Variants in MBNL1 observed in about 807,000 individuals in gnomAD.
The protein encoded by MBNL1 is muscleblind like splicing regulator 1.
Under a neutral mutation model 42.2 loss-of-function variants are expected in MBNL1, and 8 were observed. That is an observed-to-expected ratio of 0.19 (90% CI 0.11 to 0.34). The LOEUF (loss-of-function observed/expected upper bound fraction) is 0.34. Among genes scored for constraint, MBNL1 ranks in the 10% least tolerant of loss-of-function variants. The pLI is 1.00. For synonymous variants in MBNL1, 169 were observed against 173.9 expected (o/e 0.97, Z 0.22); for missense variants, 309 against 495.3 (o/e 0.62, Z 3.57).
exon 2 of MBNL1, chr3:152,244,425 ATAAC>A (rs2032393995): frequency 1.0e-5 from 1 of 98,764 alleles, no homozygotes; most frequent in African/African-American, 3.1e-5. Flanking sequence ...ACAAGCAACT[ATAAC>A]TAAGCATAGA....
chr3:152,336,311 G>T (rs960503987), intron 2 of MBNL1, among the ~76,000 whole-genome samples: 6 of 151,998 alleles, frequency 3.9e-5, no homozygotes, highest in African/African-American at 1.4e-4. Context: ...TCACCAATGG[G>T]ATTAAGAGCA....
At chr3:152,459,906 T>C (rs1392843333) in intron 9 of MBNL1, among the ~76,000 whole-genome samples, 1 of 151,044 alleles carries the variant, frequency 6.6e-6, no homozygotes, top group Admixed American at 6.6e-5. Context: ...AAACCTTAAA[T>C]GGGACCATGT....
chr3:152,325,626 A>G (rs1442698387), intron 2 of MBNL1, among the ~76,000 whole-genome samples: 1 of 151,966 alleles, frequency 6.6e-6, no homozygotes, highest in South Asian at 2.1e-4. Flanking sequence ...TTTTCATGCT[A>G]CAGATATGGA....
intron 2 of MBNL1, among the ~76,000 whole-genome samples, chr3:152,364,317 G>A (rs1355026335): frequency 6.6e-6 from 1 of 151,998 alleles, no homozygotes. Context: ...ATAACTTTGT[G>A]TTTTTGTTAT....
chr3:152,418,714 C>CT (rs35606256), intron 3 of MBNL1, among the ~76,000 whole-genome samples: 12,888 of 118,648 alleles, frequency 0.11, 1,623 homozygotes, highest in East Asian at 0.28. Context: ...TCTTAACAAT[C>CT]TTTTTTTTTT....
At chr3:152,449,664 A>G (rs1580721390) in intron 6 of MBNL1, among the ~76,000 whole-genome samples, 2 of 152,384 alleles carry the variant, frequency 1.3e-5, no homozygotes, top group East Asian at 3.9e-4. Flanking sequence ...TTCATAAATC[A>G]GAATCAAACT....
At chr3:152,269,482 G>A (rs1313121684) in intron 1 of MBNL1, 7 of 454,200 alleles carry the variant, frequency 1.5e-5, no homozygotes, top group Non-Finnish European at 3.1e-5. Flanking sequence ...CGAGCGGCGC[G>A]CGGGTCTTCC....
In MBNL1 at chr3:152,299,904, T is replaced by C; in HGVS notation, c.-290T>C. 1 of 432,864 alleles carries C rather than the reference T, an allele frequency of 2.3e-6. No individual in the cohort carries two copies. Among genetic ancestry groups the C allele is most frequent in the South Asian group, 6.9e-5 (1 of 14,458 alleles). The allele number at this position is 432,864 out of a possible 1,614,324, so 26.8% of individuals were successfully genotyped here. ...GGGGTTACTGAGAGCACAAGGCTGATACCAGGCCCTACTTTTAAACGTTCA... is the reference window on the plus strand; with the variant it reads ...GGGGTTACTGAGAGCACAAGGCTGACACCAGGCCCTACTTTTAAACGTTCA... On this transcript the variant is annotated 5_prime_UTR_variant, in exon 2 of 10. Transcript: ENST00000324210.
chr3:152,458,417 T>G (rs1738106978), intron 8 of MBNL1: 1 of 532,914 alleles, frequency 1.9e-6, no homozygotes, highest in African/African-American at 1.9e-5. Flanking sequence ...CCCAACAACA[T>G]TGCTGAAATG....
chr3:152,459,829 C>T (rs780428714), intron 9 of MBNL1, among the ~76,000 whole-genome samples: 1 of 151,124 alleles, frequency 6.6e-6, no homozygotes, highest in Non-Finnish European at 1.5e-5. Flanking sequence ...ATCTGGCCCA[C>T]AGGCAGTAGT....
chr3:152,375,210 C>T (rs2096845422), intron 2 of MBNL1, among the ~76,000 whole-genome samples: 1 of 152,066 alleles, frequency 6.6e-6, no homozygotes, highest in African/African-American at 2.4e-5. Context: ...TGGGTTTGCC[C>T]AAAAGAAATT....
At chr3:152,244,524 A>C (rs1417252300) in intron 2 of MBNL1, 1 of 152,188 alleles carries the variant, frequency 6.6e-6, no homozygotes, top group Non-Finnish European at 1.5e-5. Flanking sequence ...GCCACATTAC[A>C]GTGTAGATTA....
intron 6 of MBNL1, among the ~76,000 whole-genome samples, chr3:152,450,970 A>G (rs1028145788): frequency 6.6e-6 from 1 of 152,234 alleles, no homozygotes; most frequent in African/African-American, 2.4e-5. Context: ...TTCATTTTCC[A>G]AAGTTTGGTT....
At chr3:152,358,428 T>C (rs1346954533) in intron 2 of MBNL1, among the ~76,000 whole-genome samples, 2 of 152,122 alleles carry the variant, frequency 1.3e-5, no homozygotes, top group Non-Finnish European at 2.9e-5. Flanking sequence ...CAATAAATGA[T>C]AAGTGACTCA....
At chr3:152,251,477 G>A (rs977459835) in intron 2 of MBNL1, among the ~76,000 whole-genome samples, 10 of 151,870 alleles carry the variant, frequency 6.6e-5, no homozygotes, top group Non-Finnish European at 1.5e-4. Flanking sequence ...TAGTCACTAC[G>A]TTGTACAATA....
chr3:152,322,600 G>T (rs1429176321), intron 2 of MBNL1, among the ~76,000 whole-genome samples: 1 of 151,990 alleles, frequency 6.6e-6, no homozygotes, highest in African/African-American at 2.4e-5. Flanking sequence ...TGTCAGTTTT[G>T]ATATGTAACA....
chr3:152,434,243 C>A (rs773649753), intron 4 of MBNL1, among the ~76,000 whole-genome samples: 1 of 152,152 alleles, frequency 6.6e-6, no homozygotes, highest in Non-Finnish European at 1.5e-5. Flanking sequence ...CTGTTATTTC[C>A]CTCTTTGTGT....
intron 2 of MBNL1, among the ~76,000 whole-genome samples, chr3:152,304,556 T>C (rs2062095732): frequency 6.6e-6 from 1 of 152,228 alleles, no homozygotes; most frequent in Non-Finnish European, 1.5e-5. Flanking sequence ...ATTAAAACTT[T>C]GACAGATTAT....
At chr3:152,378,391 C>T (rs1246294654) in intron 2 of MBNL1, among the ~76,000 whole-genome samples, 4 of 151,920 alleles carry the variant, frequency 2.6e-5, no homozygotes, top group African/African-American at 7.3e-5. Context: ...TAGTAATGTA[C>T]TTTTTAAAAA....
Sources: gnomAD v4.1 joint callset for allele counts (sites outside exome capture counted in the v4.1 genomes callset) on GRCh38, gnomAD v4.1.1 for gene constraint, MANE v1.5 for transcripts, NCBI Gene and HGNC (gene_info 2026-07-23, HGNC 2026-07-21) for gene names.